STK32B: variants seen among roughly 807,000 people sequenced by gnomAD.
The protein encoded by STK32B is serine/threonine kinase 32B, also known as serine/threonine-protein kinase 32B.
A neutral mutation model predicts 52.6 loss-of-function variants in STK32B; 43 were observed. The ratio of observed to expected loss-of-function variants is 0.82; its 90% CI spans 0.64 to 1.05. The LOEUF (loss-of-function observed/expected upper bound fraction) is 1.05, where lower values mean the gene tolerates loss of function less well. Among genes scored for constraint, STK32B ranks in the 50% least tolerant of loss-of-function variants. The pLI, the probability that STK32B is intolerant of heterozygous loss-of-function variation, is 0.00. For missense variants in STK32B, 621 were observed against 534.6 expected, an observed-to-expected ratio of 1.16 and a Z score of -1.59; for synonymous variants, 238 against 204.3, an observed-to-expected ratio of 1.17 and a Z score of -1.41.
At chr4:5,096,622 T>C (rs1181725877) in intron 1 of STK32B, among the ~76,000 whole-genome samples, 1 of 152,172 alleles carries the variant, frequency 6.6e-6, no homozygotes, top group Non-Finnish European at 1.5e-5. Flanking sequence ...ACAACCTTAG[T>C]GGTGTTTTTT....
intron 11 of STK32B, among the ~76,000 whole-genome samples, chr4:5,495,270 C>G (rs541323540): frequency 1.3e-5 from 2 of 152,188 alleles, no homozygotes; most frequent in African/African-American, 4.8e-5. Flanking sequence ...AGGCTTTGTT[C>G]GTTTCTTTTT....
Position 5,499,571 on chromosome 4 carries a change from C to G in STK32B, c.*488C>G, listed in dbSNP as rs1016043863. On this transcript the variant is annotated 3_prime_UTR_variant, in exon 12 of 12. Transcript: ENST00000282908. Reference sequence around the variant, plus strand: ...AAAATAAAGGTCTGATATGTTGGCCCCTTCTATGGAAACAACGCTGCCAAA... The same window carrying G: ...AAAATAAAGGTCTGATATGTTGGCCGCTTCTATGGAAACAACGCTGCCAAA... 6.5e-6 allele frequency: 1 copy of G among 152,820 alleles called. No homozygotes were observed. The highest frequency in any genetic ancestry group is 2.4e-5 in the African/African-American group (1 of 41,474). 9.5% of individuals were successfully genotyped at this position (152,820 alleles called of 1,614,324 possible).
At chr4:5,059,791 G>C (rs1208415195) in intron 1 of STK32B, among the ~76,000 whole-genome samples, 1 of 152,024 alleles carries the variant, frequency 6.6e-6, no homozygotes, top group East Asian at 1.9e-4. Flanking sequence ...TATCTTCATA[G>C]GTAAATTCTT....
intron 2 of STK32B, among the ~76,000 whole-genome samples, chr4:5,159,562 A>AATGAATATATAT (rs1718179557): frequency 1.9e-5 from 1 of 51,640 alleles, no homozygotes; most frequent in African/African-American, 1.2e-4. Flanking sequence ...AATATATATG[A>AATGAATATATAT]ATGAATATAT....
intron 3 of STK32B, among the ~76,000 whole-genome samples, chr4:5,245,138 C>G (rs571725913): frequency 7.5e-4 from 114 of 151,850 alleles, no homozygotes; most frequent in Middle Eastern, 3.4e-3. Context: ...GTTAACTTTA[C>G]TTTTCTGTCT....
At position 5,469,736 on chromosome 4, in the gene STK32B, T is replaced by C. The variant is rs1717709883; in HGVS notation, c.1106+1666T>C. ...GCCTCACCTGCTAGAGGACCACATG[T>C]TGGGGTCTCCCAGCTCTGGCCAACA... On this transcript the variant is annotated intron_variant, in intron 11 of 11. Transcript: ENST00000282908. This position sits in a 1 kb window ranked among gnomAD's most constrained non-coding sequence, Gnocchi z 4.7. 6.6e-6 allele frequency among the ~76,000 whole-genome samples: 1 copy of C among 152,166 alleles called. No homozygotes were observed. Among genetic ancestry groups the C allele is most frequent in the African/African-American group, 2.4e-5 (1 of 41,432 alleles).
At chr4:5,471,209 G>T (rs1717829377) in intron 11 of STK32B, among the ~76,000 whole-genome samples, 1 of 152,200 alleles carries the variant, frequency 6.6e-6, no homozygotes, top group African/African-American at 2.4e-5. Context: ...CCCTCAAAAA[G>T]ATATGTCGAA....
intron 3 of STK32B, among the ~76,000 whole-genome samples, chr4:5,281,138 A>G (rs750677870): frequency 4.8e-5 from 7 of 147,216 alleles, no homozygotes; most frequent in African/African-American, 8.1e-5. Context: ...CACTTAACCA[A>G]CCAGATCTCA....
intron 1 of STK32B, among the ~76,000 whole-genome samples, chr4:5,092,954 AG>A (rs1713176007): frequency 6.6e-6 from 1 of 152,188 alleles, no homozygotes; most frequent in Non-Finnish European, 1.5e-5. Flanking sequence ...TAATAAAAAG[AG>A]GGCAAAGGAA....
intron 4 of STK32B, among the ~76,000 whole-genome samples, chr4:5,354,628 A>G (rs796354922): frequency 1.3e-5 from 2 of 152,202 alleles, no homozygotes; most frequent in South Asian, 2.1e-4. Context: ...GCAACATTAT[A>G]TTGTATATTT....
At chr4:5,152,374 CT>C (rs11320034) in intron 2 of STK32B, among the ~76,000 whole-genome samples, 3,170 of 152,324 alleles carry the variant, frequency 0.021, 104 homozygotes, top group African/African-American at 0.071. Flanking sequence ...TAGCCTCACC[CT>C]GGTCCTGGCT....
chr4:5,233,673 A>G (rs1213504449), intron 3 of STK32B, among the ~76,000 whole-genome samples: 1 of 151,256 alleles, frequency 6.6e-6, no homozygotes, highest in Admixed American at 6.6e-5. Context: ...GGATGGGGAC[A>G]TCTAGTAAGC....
At chr4:5,356,066 A>G (rs1003256042) in intron 4 of STK32B, among the ~76,000 whole-genome samples, 1 of 152,120 alleles carries the variant, frequency 6.6e-6, no homozygotes, top group Non-Finnish European at 1.5e-5. Context: ...GAGCAGACCC[A>G]CACCCTGGCT....
chr4:5,376,241 C>T (rs1735576708), intron 4 of STK32B, among the ~76,000 whole-genome samples: 1 of 152,340 alleles, frequency 6.6e-6, no homozygotes, highest in African/African-American at 2.4e-5. Context: ...TATAGGAGTT[C>T]CTCCTTTGTC....
intron 1 of STK32B, among the ~76,000 whole-genome samples, chr4:5,090,678 G>T (rs1713030508): frequency 6.6e-6 from 1 of 152,024 alleles, no homozygotes; most frequent in Non-Finnish European, 1.5e-5. Flanking sequence ...TCCATCTTGA[G>T]TTAATTTTTG....
intron 2 of STK32B, among the ~76,000 whole-genome samples, chr4:5,149,633 A>G (rs540316345): frequency 2.6e-5 from 4 of 151,994 alleles, no homozygotes; most frequent in African/African-American, 9.6e-5. Flanking sequence ...CTACCACCCT[A>G]TCTGTCCTTA....
intron 3 of STK32B, among the ~76,000 whole-genome samples, chr4:5,191,685 C>T (rs1478495039): frequency 6.6e-6 from 1 of 152,128 alleles, no homozygotes; most frequent in African/African-American, 2.4e-5. Flanking sequence ...GAAAGTTGAC[C>T]ACCCGCAGCC....
rs988960010 is a variant in STK32B at position 5,168,407 on chromosome 4, C to T, written c.217C>T (p.Gln73Ter). The T allele has an allele frequency of 5.0e-6, 8 of 1,613,916 alleles. No individual in the cohort carries two copies. Among genetic ancestry groups the T allele is most frequent in the Non-Finnish European group, 5.9e-6 (7 of 1,179,962 alleles). Residue 73 changes from glutamine to a stop codon, truncating the protein, a stop_gained, in exon 3 of 12, where the codon CAG becomes TAG. Coordinates refer to ENST00000282908, the MANE Select transcript of STK32B (RefSeq NM_018401.3). LOFTEE classifies it high-confidence loss of function. ...GGTTCGGAATGTTTTCCGGGAGCTG[C>T]AGATCATGCAAGGGCTGGAGCACCC... ...DEVRNVFREL[Q>*]IMQGLEHPFL... is the part of the protein sequence containing the mutation.
chr4:5,274,077 A>G (rs1375701906), intron 3 of STK32B, among the ~76,000 whole-genome samples: 1 of 152,218 alleles, frequency 6.6e-6, no homozygotes, highest in Non-Finnish European at 1.5e-5. Context: ...TTATCCATAT[A>G]TTCCACACAA....
Sources: gnomAD v4.1 joint callset for allele counts (sites outside exome capture counted in the v4.1 genomes callset) on GRCh38, gnomAD v4.1.1 for gene constraint, Gnocchi (gnomAD v3.1) non-coding constraint, MANE v1.5 for transcripts, NCBI Gene and HGNC (gene_info 2026-07-23, HGNC 2026-07-21) for gene names.